TRIM24: variants seen among roughly 807,000 people sequenced by gnomAD.
The protein encoded by TRIM24 is transcription intermediary factor 1-alpha.
A neutral mutation model predicts 123.9 loss-of-function variants in TRIM24; 29 were observed. The ratio of observed to expected loss-of-function variants is 0.23; its 90% CI spans 0.17 to 0.32. The LOEUF is 0.32. Ranked by LOEUF, TRIM24 falls within the 10% of genes least tolerant of loss-of-function variation. TRIM24 has a pLI of 1.00. For missense variants in TRIM24, 932 were observed against 1,295.3 expected, an observed-to-expected ratio of 0.72 and a Z score of 4.31; for synonymous variants, 456 against 461.1, an observed-to-expected ratio of 0.99 and a Z score of 0.14.
chr7:138,581,255 C>T (rs1249686357), intron 16 of TRIM24, among the ~76,000 whole-genome samples: 3 of 152,202 alleles, frequency 2.0e-5, no homozygotes, highest in African/African-American at 7.2e-5. Flanking sequence ...CAGTACTACT[C>T]AGTGGTTACT....
At chr7:138,537,310 G>T (rs753013047) in intron 6 of TRIM24, among the ~76,000 whole-genome samples, 1 of 150,190 alleles carries the variant, frequency 6.7e-6, no homozygotes, top group Non-Finnish European at 1.5e-5. Context: ...CGTCACTCAC[G>T]CTGGGAGCTG....
At chr7:138,511,387 G>C (rs1796285052) in intron 2 of TRIM24, among the ~76,000 whole-genome samples, 1 of 150,626 alleles carries the variant, frequency 6.6e-6, no homozygotes, top group Non-Finnish European at 1.5e-5. Flanking sequence ...TGCAACCTCT[G>C]CCTCCCAGGT....
intron 1 of TRIM24, among the ~76,000 whole-genome samples, chr7:138,466,570 T>G (rs1795146072): frequency 6.8e-6 from 1 of 147,056 alleles, no homozygotes; most frequent in East Asian, 2.1e-4. Context: ...CTCAGGCTGG[T>G]CTCTCAACTC....
At chr7:138,568,746 T>TAAAAGTA (rs1563063618) in intron 10 of TRIM24, among the ~76,000 whole-genome samples, 1 of 151,102 alleles carries the variant, frequency 6.6e-6, no homozygotes, top group African/African-American at 2.4e-5. Flanking sequence ...TACATTATCT[T>TAAAAGTA]AAAGTTATCA....
intron 12 of TRIM24, among the ~76,000 whole-genome samples, 155 bp from the exon 13 acceptor site, chr7:138,576,218 G>A (rs573124746): frequency 6.6e-6 from 1 of 152,306 alleles, no homozygotes; most frequent in South Asian, 2.1e-4. Context: ...GTAACAGGCT[G>A]TAACAGACTG....
chr7:138,560,393 G>A (rs1795007601), intron 9 of TRIM24, among the ~76,000 whole-genome samples: 1 of 152,174 alleles, frequency 6.6e-6, no homozygotes, highest in South Asian at 2.1e-4. Context: ...CTGTTCTGGT[G>A]GAGAAAGTCT....
intron 10 of TRIM24, among the ~76,000 whole-genome samples, chr7:138,568,607 G>A (rs537854067): frequency 1.3e-5 from 2 of 151,680 alleles, no homozygotes; most frequent in South Asian, 4.2e-4. Flanking sequence ...GGCTAGTCTC[G>A]AACTCCTGGC....
chr7:138,463,049 T>G lies in TRIM24; in HGVS notation c.364+2137T>G, dbSNP rs941540489. On this transcript the variant is annotated intron_variant, in intron 1 of 18. Transcript: ENST00000343526. Reference sequence around the variant, plus strand: ...CACGTCCGGCTAATTTTGTGTTTTTTTTTTTTTTTTTTTTTTTTTTGGTAG... The same window carrying G: ...CACGTCCGGCTAATTTTGTGTTTTTGTTTTTTTTTTTTTTTTTTTTGGTAG... Among the ~76,000 whole-genome samples, 10 of 126,636 alleles carry G rather than the reference T, an allele frequency of 7.9e-5. 1 individual carries two copies. The South Asian group carries it at 8.1e-4, about 10-fold the overall frequency. The allele number at this position is 126,636 out of a possible 152,430, so 83.1% of individuals were successfully genotyped here.
chr7:138,512,008 G>A (rs1288195678), intron 2 of TRIM24, among the ~76,000 whole-genome samples: 3 of 152,204 alleles, frequency 2.0e-5, no homozygotes. Flanking sequence ...ATTCCAAAAT[G>A]GAGAAATCGG....
intron 2 of TRIM24, among the ~76,000 whole-genome samples, chr7:138,506,877 G>A (rs1208793893): frequency 6.6e-6 from 1 of 152,134 alleles, no homozygotes; most frequent in Non-Finnish European, 1.5e-5. Flanking sequence ...GAACCAGGCA[G>A]TACTTAGCAA....
intron 1 of TRIM24, among the ~76,000 whole-genome samples, chr7:138,488,348 T>G (rs1352055275): frequency 1.3e-5 from 2 of 152,186 alleles, no homozygotes; most frequent in South Asian, 2.1e-4. Context: ...TCTATCTCCT[T>G]CAGTTCTGCT....
chr7:138,514,748 G>A (rs111602161), intron 2 of TRIM24: 5,043 of 152,404 alleles, frequency 0.033, 132 homozygotes, highest in Non-Finnish European at 0.05. Flanking sequence ...TACATCTGCC[G>A]CACATTTAAT....
intron 1 of TRIM24, among the ~76,000 whole-genome samples, chr7:138,498,148 TC>T (rs1395027000): frequency 6.6e-6 from 1 of 152,112 alleles, no homozygotes; most frequent in East Asian, 1.9e-4. Context: ...AGCCTCTTGA[TC>T]CTGTCATTCA....
At chr7:138,500,677 C>G (rs937312021) in intron 1 of TRIM24, among the ~76,000 whole-genome samples, 1 of 151,044 alleles carries the variant, frequency 6.6e-6, no homozygotes, top group Non-Finnish European at 1.5e-5. Context: ...AGTTTGAGAG[C>G]AGCCTGGGCA....
chr7:138,504,204 AAG>A, intron 1 of TRIM24, 84 bp from the exon 2 acceptor site: 1 of 808,414 alleles, frequency 1.2e-6, no homozygotes, highest in Non-Finnish European at 1.8e-6. Flanking sequence ...GACATTGAAA[AAG>A]AACAAAGTCA....
Position 138,588,950 on chromosome 7 carries a change from G to A in TRIM24, c.*3999G>A, listed in dbSNP as rs1245186938. 1 of 151,616 alleles carries A rather than the reference G, an allele frequency of 6.6e-6. No individual in the cohort carries two copies. Among genetic ancestry groups the A allele is most frequent in the Non-Finnish European group, 1.5e-5 (1 of 68,026 alleles). The allele number at this position is 151,616 out of a possible 1,614,324, so 9.4% of individuals were successfully genotyped here. A position where few individuals can be genotyped will look rare whatever the true frequency, so the allele number is the denominator to read the frequency against. On this transcript the variant is annotated 3_prime_UTR_variant, in exon 19 of 19. Coordinates refer to ENST00000343526, the MANE Select transcript of TRIM24 (RefSeq NM_015905.3). ...TTGAACCCAGGAGGTGGAGGTTGCA[G>A]TGAGTCGAGATTGCACCATTGCACT...
At chr7:138,520,674 C>A (rs2116567401) in intron 4 of TRIM24, among the ~76,000 whole-genome samples, 1 of 152,034 alleles carries the variant, frequency 6.6e-6, no homozygotes, top group Non-Finnish European at 1.5e-5. Context: ...CAGAATGAGA[C>A]CCTGTCTTTA....
intron 2 of TRIM24, among the ~76,000 whole-genome samples, chr7:138,513,509 G>A (rs570169069): frequency 1.4e-4 from 21 of 152,268 alleles, no homozygotes; most frequent in African/African-American, 5.1e-4. Flanking sequence ...TTACGATCAT[G>A]GCAGAAGGTG....
Position 138,588,393 on chromosome 7 carries a change from ATTGG to A in TRIM24, c.*3443_*3446del, listed in dbSNP as rs1798052817. ...TGAATGAGAGAAATTGAGTGATCTG[ATTGG>A]CCATTAAAATTATGGTGAATGGGTC... On this transcript the variant is annotated 3_prime_UTR_variant, in exon 19 of 19. Transcript: ENST00000343526. The A allele has an allele frequency of 6.6e-6, 1 of 152,236 alleles. No individual in the cohort carries two copies. Among genetic ancestry groups the A allele is most frequent in the Non-Finnish European group, 1.5e-5 (1 of 68,052 alleles). 9.4% of individuals were successfully genotyped at this position (152,236 alleles called of 1,614,324 possible).
Sources: gnomAD v4.1 joint callset for allele counts (sites outside exome capture counted in the v4.1 genomes callset) on GRCh38, gnomAD v4.1.1 for gene constraint, MANE v1.5 for transcripts, NCBI Gene and HGNC (gene_info 2026-07-23, HGNC 2026-07-21) for gene names.